Variants in DPAGT1 observed in about 807,000 individuals in gnomAD.
The protein encoded by DPAGT1 is dolichyl-phosphate N-acetylglucosaminephosphotransferase 1, also known as UDP-N-acetylglucosamine--dolichyl-phosphate N-acetylglucosaminephosphotransferase.
A neutral mutation model predicts 39.3 loss-of-function variants in DPAGT1; 25 were observed. That is an observed-to-expected ratio of 0.64 (90% CI 0.46 to 0.89). The LOEUF (loss-of-function observed/expected upper bound fraction) is 0.89. DPAGT1 is among the 40% of genes least tolerant of loss of function. DPAGT1 has a pLI of 0.00. For missense variants in DPAGT1, 381 were observed against 500.6 expected, an observed-to-expected ratio of 0.76 and a Z score of 2.28; for synonymous variants, 193 against 201.4, an observed-to-expected ratio of 0.96 and a Z score of 0.36.
Position 119,096,766 on chromosome 11 carries a change from GA to G in DPAGT1, c.*231del, listed in dbSNP as rs1260156410. ...TGCAAAGATGGGATGGAGAGGGAGA[GA>G]GTAGCAAGTTGCAGAAAGCCATAGG... On this transcript the variant is annotated 3_prime_UTR_variant, in exon 9 of 9. Transcript: ENST00000354202. 3 of 598,444 alleles carry G rather than the reference GA, an allele frequency of 5.0e-6. No homozygotes were observed. Among genetic ancestry groups the G allele is most frequent in the Admixed American group, 2.9e-5 (1 of 34,866 alleles). 37.1% of individuals were successfully genotyped at this position (598,444 alleles called of 1,614,324 possible).
Position 119,097,629 on chromosome 11 carries a change from A to C in DPAGT1, c.918-78T>G. On this transcript the variant is annotated intron_variant, in intron 6 of 8. Coordinates refer to ENST00000354202, the MANE Select transcript of DPAGT1 (RefSeq NM_001382.4). This position sits in a 1 kb window ranked among gnomAD's most constrained non-coding sequence, Gnocchi z 4.6. ...CCTGTGGCTAATAGGAAGAGCATTG[A>C]ATGTGGAGTCAACCTGAGATCTATT... 1.3e-6 allele frequency: 2 copies of C among 1,539,974 alleles called. No individual in the cohort carries two copies.
chr11:119,097,693 C>T lies in DPAGT1; in HGVS notation c.918-142G>A. Reference sequence around the variant, plus strand: ...CTTACTGTTATCAGAACCACTGTAGCAGATTATGCAAATAAATGTGCTTTG... The same window carrying T: ...CTTACTGTTATCAGAACCACTGTAGTAGATTATGCAAATAAATGTGCTTTG... On this transcript the variant is annotated intron_variant, in intron 6 of 8. Coordinates refer to ENST00000354202, the MANE Select transcript of DPAGT1 (RefSeq NM_001382.4). This position sits in a 1 kb window ranked among gnomAD's most constrained non-coding sequence, Gnocchi z 4.6. 7.1e-7 allele frequency: 1 copy of T among 1,411,566 alleles called. No individual in the cohort carries two copies. Among genetic ancestry groups the T allele is most frequent in the Non-Finnish European group, 1.0e-6 (1 of 1,001,712 alleles). 87.4% of individuals were successfully genotyped at this position (1,411,566 alleles called of 1,614,324 possible). A position where few individuals can be genotyped will look rare whatever the true frequency, so the allele number is the denominator to read the frequency against.
chr11:119,100,978 G>A, intron 2 of DPAGT1, 40 bp downstream of exon 2: 1 of 1,614,158 alleles, frequency 6.2e-7, no homozygotes, highest in Non-Finnish European at 8.5e-7. Flanking sequence ...GTACCTCCCA[G>A]GTCCCAGCCA....
Position 119,101,490 on chromosome 11 carries a change from C to T in DPAGT1, c.161+5G>A, listed in dbSNP as rs397515322. On this transcript the variant is annotated splice_donor_5th_base_variant and intron_variant, in intron 1 of 8. Coordinates refer to ENST00000354202, the MANE Select transcript of DPAGT1 (RefSeq NM_001382.4). Reference sequence around the variant, plus strand: ...CCCTGCCCGGACCCGTGTGCCGCTGCTCACATCTGCTGTCGGCTGGTTTTG... The same window carrying T: ...CCCTGCCCGGACCCGTGTGCCGCTGTTCACATCTGCTGTCGGCTGGTTTTG... 5 of 1,614,064 alleles carry T rather than the reference C, an allele frequency of 3.1e-6. No individual in the cohort carries two copies. The highest frequency in any genetic ancestry group is 3.4e-6 in the Non-Finnish European group (4 of 1,179,920).
At position 119,101,541 on chromosome 11, in the gene DPAGT1, C is replaced by G. The variant is rs1555208011; in HGVS notation, c.115G>C (p.Ala39Pro). ...TTGAGGTCCTGACCACAGAGGCGCGCAGCAATGAAGTGGCCCCGGAAGGCC... is the reference window on the plus strand; with the variant it reads ...TTGAGGTCCTGACCACAGAGGCGCGGAGCAATGAAGTGGCCCCGGAAGGCC... ...IPAFRGHFIA[A>P]RLCGQDLNKT... Residue 39 changes from alanine to proline, a missense_variant, in exon 1 of 9, where the codon GCG becomes CCG. Transcript: ENST00000354202. The G allele has an allele frequency of 6.2e-7, 1 of 1,614,134 alleles. No homozygotes were observed. Among genetic ancestry groups the G allele is most frequent in the Non-Finnish European group, 8.5e-7 (1 of 1,180,050 alleles).
Position 119,097,558 on chromosome 11 carries a change from G to A in DPAGT1, c.918-7C>T. 13 of 1,614,124 alleles carry A rather than the reference G, an allele frequency of 8.1e-6. No homozygotes were observed. Among genetic ancestry groups the A allele is most frequent in the Non-Finnish European group, 1.1e-5 (13 of 1,180,004 alleles). ...GCCTGTCTTGATATTGAGTCTGCGG[G>A]GGGAAGATAGCTTCATGTGACTGGG... On this transcript the variant is annotated splice_polypyrimidine_tract_variant and splice_region_variant and intron_variant, in intron 6 of 8. Transcript: ENST00000354202. The surrounding 1 kb of genome is among the most constrained non-coding windows in gnomAD (Gnocchi z 4.6).
chr11:119,096,434 G>T, downstream of DPAGT1: 1 of 175,176 alleles, frequency 5.7e-6, no homozygotes, highest in Non-Finnish European at 1.2e-5. Flanking sequence ...TAGGCATCCT[G>T]TTGGAGGAAG....
At chr11:119,095,405 TA>T (rs1946374063), downstream of DPAGT1, 1 of 1,531,546 alleles carries the variant, frequency 6.5e-7, no homozygotes, top group Non-Finnish European at 8.7e-7. Flanking sequence ...GCTAGCGAGG[TA>T]GACCGGTGAA....
At chr11:119,095,239 C>T (rs1366913147), downstream of DPAGT1, 1 of 1,613,818 alleles carries the variant, frequency 6.2e-7, no homozygotes, top group Non-Finnish European at 8.5e-7. Flanking sequence ...GCACTGCCGC[C>T]AGGTACACTG....
chr11:119,099,721 C>A (rs182434064), intron 4 of DPAGT1, among the ~76,000 whole-genome samples: 1 of 138,188 alleles, frequency 7.2e-6, no homozygotes, highest in Non-Finnish European at 1.5e-5. Context: ...TCAGAGGATG[C>A]AGTGAGCTAA....
At chr11:119,096,151 C>T (rs556113084), downstream of DPAGT1, among the ~76,000 whole-genome samples, 4 of 152,162 alleles carry the variant, frequency 2.6e-5, no homozygotes, top group South Asian at 2.1e-4. Flanking sequence ...TTTGTAGAGA[C>T]GGAGTCTCGT....
chr11:119,096,970 G>A lies in DPAGT1; in HGVS notation c.*28C>T. ...GCCTGAGTCAGGAATCCTAGAGACT[G>A]TGAGGTAAAGGACAATGATCAAGGG... On this transcript the variant is annotated 3_prime_UTR_variant, in exon 9 of 9. Transcript: ENST00000354202. 1 of 1,613,372 alleles carries A rather than the reference G, an allele frequency of 6.2e-7. No individual in the cohort carries two copies. Among genetic ancestry groups the A allele is most frequent in the East Asian group, 2.2e-5 (1 of 44,894 alleles).
rs202124952 is a variant in DPAGT1 at position 119,097,110 on chromosome 11, C to T, written c.1161+32G>A. The T allele has an allele frequency of 4.3e-5, 69 of 1,614,202 alleles. No homozygotes were observed. Among genetic ancestry groups the T allele is most frequent in the Non-Finnish European group, 5.6e-5 (66 of 1,180,032 alleles). On this transcript the variant is annotated intron_variant, in intron 8 of 8. Transcript: ENST00000354202. The surrounding 1 kb of genome is among the most constrained non-coding windows in gnomAD (Gnocchi z 4.6). ...AGTAAGAATCACGCAGAAAGGGAGA[C>T]ACGGAGGTATAAACTCGATTCCCAT...
In DPAGT1 at chr11:119,097,048, T is replaced by C. The variant is rs643788; in HGVS notation, c.1177A>G (p.Ile393Val). The change falls in exon 9 of 9, where the codon ATC becomes GTC. Residue 393 changes from isoleucine (I) to valine (V), a missense_variant. By Grantham distance (29) the Ile-to-Val change is conservative (BLOSUM62 3). Transcript: ENST00000354202. The surrounding 1 kb of genome is among the most constrained non-coding windows in gnomAD (Gnocchi z 4.6). Reference protein sequence around the residue: ...LLLLQILGSAITFSIRYQLVR... With the variant: ...LLLLQILGSAVTFSIRYQLVR... ...AGCTGATATCGAATGGAGAAGGTGA[T>C]GGCACTGCCCAGGATCTGCAAGGAG... 0.42 allele frequency: 682,156 copies of C among 1,613,754 alleles called. 147,791 individuals are homozygous for C. The highest frequency in any genetic ancestry group is 0.63 in the East Asian group (28,115 of 44,854).
rs1946408973 is a variant in DPAGT1 at position 119,097,103 on chromosome 11, A to G, written c.1161+39T>C. Reference sequence around the variant, plus strand: ...GGACTGGAGTAAGAATCACGCAGAAAGGGAGACACGGAGGTATAAACTCGA... The same window carrying G: ...GGACTGGAGTAAGAATCACGCAGAAGGGGAGACACGGAGGTATAAACTCGA... On this transcript the variant is annotated intron_variant, in intron 8 of 8. Coordinates refer to ENST00000354202, the MANE Select transcript of DPAGT1 (RefSeq NM_001382.4). This position sits in a 1 kb window ranked among gnomAD's most constrained non-coding sequence, Gnocchi z 4.6. The G allele has an allele frequency of 6.2e-7, 1 of 1,614,242 alleles. No homozygotes were observed. Among genetic ancestry groups the G allele is most frequent in the East Asian group, 2.2e-5 (1 of 44,884 alleles).
At chr11:119,094,047 T>G (rs1946351469), downstream of DPAGT1, 1 of 152,544 alleles carries the variant, frequency 6.6e-6, no homozygotes, top group South Asian at 2.1e-4. Context: ...GATTGCCGAG[T>G]TGAGTTTGCT....
chr11:119,100,778 A>G lies in DPAGT1; in HGVS notation c.348T>C (p.Asp116=), dbSNP rs200885014. 6.2e-7 allele frequency: 1 copy of G among 1,614,218 alleles called. No individual in the cohort carries two copies. The highest frequency in any genetic ancestry group is 8.5e-7 in the Non-Finnish European group (1 of 1,180,044). The change falls in exon 3 of 9, where the codon GAT becomes GAC. Residue 116 remains aspartate, a synonymous_variant. Transcript: ENST00000354202. ...TATGGCGCCAGCGCAGATTCAGTACATCATCCGCAAAGCCCAGGAAGATCA... is the reference window on the plus strand; with the variant it reads ...TATGGCGCCAGCGCAGATTCAGTACGTCATCCGCAAAGCCCAGGAAGATCA... ...CCMIFLGFAD[D]VLNLRWRHKL...
downstream of DPAGT1, chr11:119,095,445 G>C: frequency 6.9e-7 from 1 of 1,450,086 alleles, no homozygotes; most frequent in Non-Finnish European, 9.0e-7. Flanking sequence ...TAGAACAGAC[G>C]CCCGCCGCAG....
chr11:119,098,672 C>G (rs1477595889), intron 4 of DPAGT1, among the ~76,000 whole-genome samples, 185 bp from the exon 5 acceptor site: 3 of 152,178 alleles, frequency 2.0e-5, no homozygotes, highest in Non-Finnish European at 4.4e-5. Flanking sequence ...TTTCGTGCAG[C>G]CTTCCAAACT....
Sources: allele counts gnomAD v4.1 joint callset (sites outside exome capture counted in the v4.1 genomes callset), GRCh38; gene constraint gnomAD v4.1.1; non-coding constraint Gnocchi (gnomAD v3.1); transcripts MANE v1.5; gene names NCBI Gene and HGNC (gene_info 2026-07-23, HGNC 2026-07-21).